SCARA3: variants seen among roughly 807,000 people sequenced by gnomAD.
SCARA3 encodes the protein scavenger receptor class A member 3, also known as cellular stress response gene protein.
SCARA3 carries 39 observed loss-of-function variants against 47.0 expected under a neutral mutation model. The observed-to-expected ratio is 0.83, with a 90% CI of 0.64 to 1.08. The LOEUF is 1.08. SCARA3 is among the 50% of genes least tolerant of loss of function. The pLI is 0.00. For missense variants in SCARA3, 724 were observed against 792.3 expected (o/e 0.91, Z 1.04); for synonymous variants, 356 against 334.1 (o/e 1.07, Z -0.71).
chr8:27,687,067 G>A, the SCARA3 span, among the ~76,000 whole-genome samples: 3 of 152,198 alleles, frequency 2.0e-5, no homozygotes, highest in African/African-American at 7.2e-5. Context: ...TCCCCCAGGG[G>A]TGGGCAGGTG....
the SCARA3 span, among the ~76,000 whole-genome samples, chr8:27,712,339 G>A: frequency 4.6e-5 from 7 of 151,868 alleles, no homozygotes; most frequent in African/African-American, 7.3e-5. Context: ...CGAGGCGGGC[G>A]GATCACGAGG....
At chr8:27,686,019 G>A in the SCARA3 span, among the ~76,000 whole-genome samples, 1 of 152,144 alleles carries the variant, frequency 6.6e-6, no homozygotes, top group East Asian at 1.9e-4. Flanking sequence ...GGACTGAAGA[G>A]ATACATCAAC....
At chr8:27,646,467 A>G (rs906780060) in intron 1 of SCARA3, among the ~76,000 whole-genome samples, 1 of 152,194 alleles carries the variant, frequency 6.6e-6, no homozygotes, top group Non-Finnish European at 1.5e-5. Context: ...GGCTATAAAC[A>G]GTGAAGTGAT....
intron 1 of SCARA3, among the ~76,000 whole-genome samples, chr8:27,640,111 A>G (rs973810838): frequency 6.6e-6 from 1 of 152,190 alleles, no homozygotes; most frequent in Non-Finnish European, 1.5e-5. Context: ...AGAAGAAAGA[A>G]TCTCTTTATC....
chr8:27,717,821 A>G, the SCARA3 span, among the ~76,000 whole-genome samples: 1 of 152,180 alleles, frequency 6.6e-6, no homozygotes, highest in African/African-American at 2.4e-5. Context: ...ACCAATTTTA[A>G]GAAGTATAAA....
the SCARA3 span, among the ~76,000 whole-genome samples, chr8:27,700,618 A>T: frequency 4.6e-5 from 7 of 152,168 alleles, no homozygotes; most frequent in Non-Finnish European, 8.8e-5. Context: ...AAAATAAAAA[A>T]AAAAAAAAAG....
At chr8:27,667,889 C>T (rs1469329479) in intron 5 of SCARA3, among the ~76,000 whole-genome samples, 2 of 152,118 alleles carry the variant, frequency 1.3e-5, no homozygotes, top group African/African-American at 4.8e-5. Context: ...GACAGGCCCC[C>T]GATAACATCG....
chr8:27,654,868 G>A (rs1801711208), intron 3 of SCARA3, among the ~76,000 whole-genome samples: 1 of 152,146 alleles, frequency 6.6e-6, no homozygotes. Context: ...GTGAGCCTCG[G>A]CTGTTGGCTT....
the SCARA3 span, among the ~76,000 whole-genome samples, chr8:27,695,961 T>C: frequency 0.99 from 149,996 of 152,194 alleles, 73,952 homozygotes; most frequent in Middle Eastern, 1. Context: ...AAACAAAAAT[T>C]GCACTTATGC....
intron 1 of SCARA3, among the ~76,000 whole-genome samples, chr8:27,647,973 A>G (rs1340362248): frequency 1.3e-5 from 2 of 152,192 alleles, no homozygotes; most frequent in African/African-American, 4.8e-5. Flanking sequence ...GCGGCTCAAG[A>G]TGCCCATCAA....
chr8:27,696,633 T>TG, the SCARA3 span, among the ~76,000 whole-genome samples: 2 of 150,806 alleles, frequency 1.3e-5, no homozygotes, highest in African/African-American at 4.9e-5. Context: ...TTTTTTTTTT[T>TG]GTAGAGACAG....
At chr8:27,718,485 C>T in the SCARA3 span, among the ~76,000 whole-genome samples, 1 of 152,224 alleles carries the variant, frequency 6.6e-6, no homozygotes, top group Admixed American at 6.5e-5. Context: ...ACTCTCAAAA[C>T]TTCACAGACC....
chr8:27,716,836 C>A, the SCARA3 span, among the ~76,000 whole-genome samples: 1 of 152,284 alleles, frequency 6.6e-6, no homozygotes, highest in East Asian at 1.9e-4. Context: ...AGAAATCTGG[C>A]AGACATCTTC....
the SCARA3 span, among the ~76,000 whole-genome samples, chr8:27,712,441 T>C: frequency 6.7e-6 from 1 of 149,802 alleles, no homozygotes; most frequent in Non-Finnish European, 1.5e-5. Flanking sequence ...CGGGCGCCTG[T>C]AGTCTCAGCT....
intron 2 of SCARA3, among the ~76,000 whole-genome samples, chr8:27,650,980 C>A (rs1992358): frequency 0.19 from 28,439 of 152,154 alleles, 3,232 homozygotes; most frequent in Middle Eastern, 0.33. Context: ...CTGCCTCAGC[C>A]TCCTCAAGTG....
the SCARA3 span, among the ~76,000 whole-genome samples, chr8:27,727,056 G>A: frequency 2.8e-3 from 423 of 152,198 alleles, 4 homozygotes; most frequent in Non-Finnish European, 4.9e-3. Context: ...GATTACAGGC[G>A]TAAGCCACCG....
At chr8:27,640,181 G>T (rs754387406) in intron 1 of SCARA3, among the ~76,000 whole-genome samples, 2 of 152,154 alleles carry the variant, frequency 1.3e-5, no homozygotes, top group Non-Finnish European at 2.9e-5. Context: ...ACGAGCAGCT[G>T]CATTTAACCT....
At chr8:27,718,526 C>G in the SCARA3 span, among the ~76,000 whole-genome samples, 2 of 152,212 alleles carry the variant, frequency 1.3e-5, no homozygotes, top group Non-Finnish European at 2.9e-5. Context: ...AGACCTCGCA[C>G]TCCAGCTCCA....
At chr8:27,656,948 C>A in intron 4 of SCARA3, 68 bp downstream of exon 4, 1 of 983,598 alleles carries the variant, frequency 1.0e-6, no homozygotes, top group Non-Finnish European at 1.6e-6. Flanking sequence ...CCTCCCCACG[C>A]TACAGTGCCC....
Sources: gnomAD v4.1 joint callset for allele counts (sites outside exome capture counted in the v4.1 genomes callset) on GRCh38, gnomAD v4.1.1 for gene constraint, MANE v1.5 for transcripts, NCBI Gene and HGNC (gene_info 2026-07-23, HGNC 2026-07-21) for gene names.